UCK2: variants seen among roughly 807,000 people sequenced by gnomAD.
The protein encoded by UCK2 is uridine-cytidine kinase 2.
A neutral mutation model predicts 30.8 loss-of-function variants in UCK2; 6 were observed. That is an observed-to-expected ratio of 0.19 (90% confidence interval 0.11 to 0.38). UCK2 has a LOEUF of 0.38. Ranked by LOEUF, UCK2 falls within the 10% of genes least tolerant of loss-of-function variation. UCK2 has a pLI of 1.00. For synonymous variants in UCK2, 125 were observed against 133.6 expected (o/e 0.94, Z 0.45); for missense variants, 210 against 339.8 (o/e 0.62, Z 3.00).
At chr1:165,838,243 A>G (rs974617871) in intron 1 of UCK2, among the ~76,000 whole-genome samples, 1 of 152,106 alleles carries the variant, frequency 6.6e-6, no homozygotes, top group Non-Finnish European at 1.5e-5. Context: ...TACACATTCT[A>G]TTCTCATAAC....
intron 1 of UCK2, among the ~76,000 whole-genome samples, chr1:165,830,906 T>C (rs1202936461): frequency 6.6e-6 from 1 of 151,864 alleles, no homozygotes; most frequent in African/African-American, 2.4e-5. Context: ...AAAGTTATTT[T>C]GACCTATGTT....
At chr1:165,907,599 C>T (rs1647709736) in intron 6 of UCK2, 85 bp from the exon 7 acceptor site, 1 of 1,520,992 alleles carries the variant, frequency 6.6e-7, no homozygotes, top group South Asian at 1.3e-5. Flanking sequence ...GTGGTTCCTG[C>T]ATGCCCTTCC....
chr1:165,903,341 G>A (rs1208725879), intron 5 of UCK2, 62 bp downstream of exon 5: 13 of 1,481,750 alleles, frequency 8.8e-6, no homozygotes, highest in African/African-American at 5.5e-5. Flanking sequence ...TGATATAAAC[G>A]AAGGTGTGCA....
intron 1 of UCK2, among the ~76,000 whole-genome samples, chr1:165,879,119 A>C (rs189730047): frequency 2.6e-5 from 4 of 152,314 alleles, no homozygotes; most frequent in Admixed American, 2.6e-4. Flanking sequence ...TCTTTGGTGA[A>C]GTGTCTGTTA....
rs554377092 is a variant in UCK2 at position 165,909,234 on chromosome 1, C to G, written c.*1411C>G. ...CTGGGTGGAGGGGAGCCCAAGTGAGCCTGAAGGAGTTCTGATTATAGAGTC... is the reference window on the plus strand; with the variant it reads ...CTGGGTGGAGGGGAGCCCAAGTGAGGCTGAAGGAGTTCTGATTATAGAGTC... On this transcript the variant is annotated 3_prime_UTR_variant, in exon 7 of 7. Coordinates refer to ENST00000367879, the MANE Select transcript of UCK2 (RefSeq NM_012474.5). The G allele has an allele frequency of 6.6e-6, 1 of 151,980 alleles. No individual in the cohort carries two copies. The highest frequency in any genetic ancestry group is 1.5e-5 in the Non-Finnish European group (1 of 68,024). 9.4% of individuals were successfully genotyped at this position (151,980 alleles called of 1,614,324 possible).
chr1:165,884,745 G>A (rs76697684), intron 1 of UCK2, among the ~76,000 whole-genome samples: 1 of 152,320 alleles, frequency 6.6e-6, no homozygotes, highest in East Asian at 1.9e-4. Context: ...GGGTGAGAAC[G>A]ATTTTAGAGA....
At chr1:165,828,033 G>T (rs955054018) in intron 1 of UCK2, 101 bp downstream of exon 1, 1 of 930,160 alleles carries the variant, frequency 1.1e-6, no homozygotes, top group Admixed American at 4.9e-5. Flanking sequence ...CAGCCACCGC[G>T]TGGCCCGCGC....
chr1:165,847,426 A>G lies in UCK2; in HGVS notation c.99+19494A>G, dbSNP rs977788961. ...CTAGAAAGGCCTGTAACCAAAAGTC[A>G]GTAGTCCTTCTTTCTTCACCCCAGC... On this transcript the variant is annotated intron_variant, in intron 1 of 6. Coordinates refer to ENST00000367879, the MANE Select transcript of UCK2 (RefSeq NM_012474.5). Among the ~76,000 whole-genome samples the G allele has an allele frequency of 4.6e-5, 7 of 152,252 alleles. No individual in the cohort carries two copies. In the East Asian group the frequency reaches 1.2e-3, roughly 25 times the overall value.
chr1:165,875,738 A>G (rs994847028), intron 1 of UCK2, among the ~76,000 whole-genome samples: 1 of 152,210 alleles, frequency 6.6e-6, no homozygotes, highest in African/African-American at 2.4e-5. Context: ...AAGGACACAG[A>G]TGAAGAGACG....
chr1:165,830,491 A>G (rs942841992), intron 1 of UCK2, among the ~76,000 whole-genome samples: 5 of 150,086 alleles, frequency 3.3e-5, no homozygotes, highest in Non-Finnish European at 4.4e-5. Flanking sequence ...CGCCTGGCCA[A>G]TGTTTTTGTA....
intron 3 of UCK2, chr1:165,891,576 A>T (rs3762365): frequency 4.9e-6 from 2 of 411,070 alleles, no homozygotes; most frequent in South Asian, 4.2e-5. Context: ...AGGATGGGAT[A>T]GTGATTTCAG....
intron 2 of UCK2, 65 bp from the exon 3 acceptor site, chr1:165,891,161 G>C: frequency 7.2e-7 from 1 of 1,395,176 alleles, no homozygotes; most frequent in South Asian, 1.2e-5. Flanking sequence ...AGGATGCCTT[G>C]TGTATGATTA....
chr1:165,855,894 C>G (rs1654731230), intron 1 of UCK2, among the ~76,000 whole-genome samples: 1 of 152,156 alleles, frequency 6.6e-6, no homozygotes, highest in Admixed American at 6.5e-5. Flanking sequence ...AATACACAAT[C>G]TATTCTCTGC....
chr1:165,843,548 C>G (rs2101853578), intron 1 of UCK2, among the ~76,000 whole-genome samples: 1 of 152,208 alleles, frequency 6.6e-6, no homozygotes, highest in Admixed American at 6.5e-5. Context: ...GAGGTCAAGG[C>G]AGGAGGATCA....
At chr1:165,858,097 A>T (rs1654795496) in intron 1 of UCK2, among the ~76,000 whole-genome samples, 1 of 152,196 alleles carries the variant, frequency 6.6e-6, no homozygotes, top group South Asian at 2.1e-4. Context: ...TTCAGGATGT[A>T]TCAGTTGTGT....
intron 1 of UCK2, among the ~76,000 whole-genome samples, chr1:165,850,616 ATTTT>A (rs3077616): frequency 2.5e-4 from 29 of 116,768 alleles, no homozygotes; most frequent in Non-Finnish European, 2.6e-4. Context: ...TAATTTTTAA[ATTTT>A]TTTTTTTTTT....
chr1:165,873,379 G>A (rs960552492), intron 1 of UCK2, among the ~76,000 whole-genome samples: 3 of 152,156 alleles, frequency 2.0e-5, no homozygotes, highest in African/African-American at 7.2e-5. Flanking sequence ...ATATAAACAC[G>A]GAAAAATGCT....
At chr1:165,886,327 C>T (rs185808942) in intron 1 of UCK2, among the ~76,000 whole-genome samples, 2 of 152,136 alleles carry the variant, frequency 1.3e-5, no homozygotes, top group Non-Finnish European at 2.9e-5. Flanking sequence ...TAGAGTCTTG[C>T]TCTGTTGCCC....
intron 1 of UCK2, among the ~76,000 whole-genome samples, chr1:165,840,311 T>C (rs1055269017): frequency 6.6e-6 from 1 of 152,288 alleles, no homozygotes; most frequent in Non-Finnish European, 1.5e-5. Flanking sequence ...AATGTTTTAA[T>C]GTATGTATAC....
Sources: gnomAD v4.1 joint callset for allele counts (sites outside exome capture counted in the v4.1 genomes callset) on GRCh38, gnomAD v4.1.1 for gene constraint, MANE v1.5 for transcripts, NCBI Gene and HGNC (gene_info 2026-07-23, HGNC 2026-07-21) for gene names.